PPFIBP1: variants seen among roughly 807,000 people sequenced by gnomAD.
The protein encoded by PPFIBP1 is liprin-beta-1.
Under a neutral mutation model 137.8 loss-of-function variants are expected in PPFIBP1, and 112 were observed. That is an observed-to-expected ratio of 0.81 (90% CI 0.70 to 0.95). The LOEUF (loss-of-function observed/expected upper bound fraction) is 0.95. PPFIBP1 is among the 40% of genes least tolerant of loss of function. The pLI, the probability that PPFIBP1 is intolerant of heterozygous loss-of-function variation, is 0.00. For synonymous variants in PPFIBP1, 378 were observed against 417.3 expected (o/e 0.91, Z 1.15); for missense variants, 1,083 against 1,196.6 (o/e 0.91, Z 1.40).
intron 2 of PPFIBP1, among the ~76,000 whole-genome samples, chr12:27,598,222 A>G (rs148653630): frequency 7.2e-5 from 11 of 152,352 alleles, no homozygotes; most frequent in Middle Eastern, 3.4e-3. Context: ...TAAAGAAAAA[A>G]AAGTTTAATG....
At chr12:27,670,788 A>ATAATAATAAT (rs57738136) in intron 13 of PPFIBP1, among the ~76,000 whole-genome samples, 53,676 of 133,700 alleles carry the variant, frequency 0.4, 11,411 homozygotes, top group Admixed American at 0.48. Flanking sequence ...CAAAAAAAAA[A>ATAATAATAAT]AAAAAAAATA....
chr12:27,657,333 T>C (rs1253863335), intron 9 of PPFIBP1, among the ~76,000 whole-genome samples: 2 of 152,062 alleles, frequency 1.3e-5, no homozygotes, highest in Non-Finnish European at 2.9e-5. Flanking sequence ...AGATTGTGCA[T>C]GATAGAAAAT....
In PPFIBP1 at chr12:27,691,839, C is replaced by T. The variant is rs1443340298; in HGVS notation, c.2776C>T (p.Gln926Ter). 2 of 1,613,790 alleles carry T rather than the reference C, an allele frequency of 1.2e-6. No individual in the cohort carries two copies. The highest frequency in any genetic ancestry group is 1.7e-5 in the Admixed American group (1 of 60,014). ...EEYVCPMELG[Q>*]ASGSASKKGF... ...ATATGTTTGTCCAATGGAATTGGGA[C>T]AGGCATCAGGAAGTGCATCTAAGAA... The change falls in exon 28 of 30, where the codon CAG (glutamine) becomes TAG (stop). Residue 926 changes from glutamine to a stop codon, truncating the protein, a stop_gained. Coordinates refer to ENST00000228425, the MANE Select transcript of PPFIBP1 (RefSeq NM_003622.4). LOFTEE classifies it high-confidence loss of function.
chr12:27,610,734 G>T lies in PPFIBP1; in HGVS notation c.-35-22628G>T, dbSNP rs543476422. 2.6e-3 allele frequency among the ~76,000 whole-genome samples: 393 copies of T among 152,182 alleles called. 2 individuals carry two copies. Among genetic ancestry groups the T allele is most frequent in the Admixed American group, 7.5e-3 (115 of 15,284 alleles). On this transcript the variant is annotated intron_variant, in intron 2 of 29. Transcript: ENST00000228425. ...TGTGTATATCATATATCTGTGTGTCGCTGCCAGGATCCTAGCATGAACCTC... is the reference window on the plus strand; with the variant it reads ...TGTGTATATCATATATCTGTGTGTCTCTGCCAGGATCCTAGCATGAACCTC...
intron 15 of PPFIBP1, among the ~76,000 whole-genome samples, chr12:27,673,489 G>A (rs1206442598): frequency 1.3e-5 from 2 of 152,230 alleles, no homozygotes; most frequent in South Asian, 2.1e-4. Flanking sequence ...CTTTATTTTC[G>A]AATATTGACA....
intron 1 of PPFIBP1, among the ~76,000 whole-genome samples, chr12:27,577,060 T>C (rs1187070386): frequency 6.6e-6 from 1 of 152,114 alleles, no homozygotes; most frequent in Non-Finnish European, 1.5e-5. Flanking sequence ...AAGCCAGTGG[T>C]AGGAGAAAGA....
intron 2 of PPFIBP1, among the ~76,000 whole-genome samples, chr12:27,617,385 G>A (rs944258396): frequency 6.6e-6 from 1 of 152,150 alleles, no homozygotes; most frequent in Non-Finnish European, 1.5e-5. Context: ...TTAATTGGAA[G>A]CAAATACAGA....
chr12:27,667,148 T>G lies in PPFIBP1; in HGVS notation c.992-18T>G. ...TCAAAAGCTGCTGTTGTCTTCTCTT[T>G]GTTTTATCTTTTCCTAGGCAAAGAT... On this transcript the variant is annotated intron_variant, in intron 12 of 29. Transcript: ENST00000228425. The G allele has an allele frequency of 6.5e-7, 1 of 1,536,684 alleles. No homozygotes were observed. Among genetic ancestry groups the G allele is most frequent in the South Asian group, 1.3e-5 (1 of 79,194 alleles).
At chr12:27,607,301 G>C (rs904368057) in intron 2 of PPFIBP1, among the ~76,000 whole-genome samples, 2 of 152,226 alleles carry the variant, frequency 1.3e-5, no homozygotes, top group African/African-American at 4.8e-5. Flanking sequence ...GTGTACAAAA[G>C]TGCATGTCCA....
chr12:27,674,162 A>G, intron 16 of PPFIBP1, 30 bp from the exon 17 acceptor site: 8 of 1,558,272 alleles, frequency 5.1e-6, no homozygotes, highest in Non-Finnish European at 7.0e-6. Flanking sequence ...TTTCCCTAAC[A>G]ACCTTAAATA....
chr12:27,577,470 C>T (rs577287837), intron 1 of PPFIBP1, among the ~76,000 whole-genome samples: 1 of 152,248 alleles, frequency 6.6e-6, no homozygotes, highest in Non-Finnish European at 1.5e-5. Context: ...TTGCTTTCTC[C>T]TTTGGATGCA....
In PPFIBP1 at chr12:27,647,709, T is replaced by G. The variant is rs376574981; in HGVS notation, c.358-20T>G. On this transcript the variant is annotated intron_variant, in intron 5 of 29. Coordinates refer to ENST00000228425, the MANE Select transcript of PPFIBP1 (RefSeq NM_003622.4). ...CCCAAATTCTTTTTCACTCATTGCA[T>G]TATTTTGCTCTAAATACAGGTAAGT... 158 of 1,512,700 alleles carry G rather than the reference T, an allele frequency of 1.0e-4. No homozygotes were observed. The highest frequency in any genetic ancestry group is 1.7e-4 in the Middle Eastern group (1 of 5,762). The allele number at this position is 1,512,700 out of a possible 1,614,324, so 93.7% of individuals were successfully genotyped here.
intron 19 of PPFIBP1, chr12:27,677,573 A>G (rs1171762510): frequency 6.4e-6 from 1 of 156,942 alleles, no homozygotes; most frequent in Non-Finnish European, 1.4e-5. Flanking sequence ...TTAGGGGAAC[A>G]TTCTTCTGAC....
Position 27,535,024 on chromosome 12 carries a change from A to C in PPFIBP1, c.-124+10659A>C, listed in dbSNP as rs147686208. Among the ~76,000 whole-genome samples, 707 of 152,320 alleles carry C rather than the reference A, an allele frequency of 4.6e-3. 1 individual carries two copies. The highest frequency in any genetic ancestry group is 8.5e-3 in the Non-Finnish European group (581 of 68,034). ...TGGGTCTTATGGTGGTTGCTTTGAA[A>C]GATGTCAGTAAAGGCTTGTTCAAGT... is the stretch of plus-strand genomic sequence containing the variant. On this transcript the variant is annotated intron_variant, in intron 1 of 29. Transcript: ENST00000228425.
intron 1 of PPFIBP1, among the ~76,000 whole-genome samples, chr12:27,566,902 T>G (rs2049724920): frequency 6.6e-6 from 1 of 152,182 alleles, no homozygotes; most frequent in African/African-American, 2.4e-5. Flanking sequence ...GGAACATCTG[T>G]TTCCTACCCC....
At chr12:27,550,562 C>T (rs1273751219) in intron 1 of PPFIBP1, among the ~76,000 whole-genome samples, 1 of 152,094 alleles carries the variant, frequency 6.6e-6, no homozygotes, top group Non-Finnish European at 1.5e-5. Context: ...TATGACAACT[C>T]AGAGAGAGGT....
intron 4 of PPFIBP1, among the ~76,000 whole-genome samples, chr12:27,639,500 G>A (rs1178534640): frequency 6.6e-6 from 1 of 152,176 alleles, no homozygotes; most frequent in Non-Finnish European, 1.5e-5. Flanking sequence ...AGAGGATCAG[G>A]TGGTGAAATC....
intron 2 of PPFIBP1, among the ~76,000 whole-genome samples, chr12:27,606,136 A>C (rs1488608687): frequency 6.6e-6 from 1 of 152,198 alleles, no homozygotes; most frequent in Non-Finnish European, 1.5e-5. Context: ...ATAAAGATGA[A>C]CCCAAATTGC....
intron 2 of PPFIBP1, among the ~76,000 whole-genome samples, chr12:27,594,611 A>G (rs2052972208): frequency 6.6e-6 from 1 of 152,180 alleles, no homozygotes; most frequent in East Asian, 1.9e-4. Flanking sequence ...AATCCTCTCT[A>G]CTAAGCATCT....
Sources: allele counts gnomAD v4.1 joint callset (sites outside exome capture counted in the v4.1 genomes callset), GRCh38; gene constraint gnomAD v4.1.1; transcripts MANE v1.5; gene names NCBI Gene and HGNC (gene_info 2026-07-23, HGNC 2026-07-21).